SYT16: variants seen among roughly 807,000 people sequenced by gnomAD.
SYT16 encodes the protein synaptotagmin-16.
A neutral mutation model predicts 61.4 loss-of-function variants in SYT16; 42 were observed. The ratio of observed to expected loss-of-function variants is 0.68; its 90% CI spans 0.53 to 0.89. The LOEUF (loss-of-function observed/expected upper bound fraction) is 0.89, where lower values mean the gene tolerates loss of function less well. SYT16 is among the 40% of genes least tolerant of loss of function. SYT16 has a pLI of 0.00. For missense variants in SYT16, 804 were observed against 807.3 expected, an observed-to-expected ratio of 1.00 and a Z score of 0.05; for synonymous variants, 314 against 302.3, an observed-to-expected ratio of 1.04 and a Z score of -0.40.
intron 1 of SYT16, among the ~76,000 whole-genome samples, chr14:61,890,498 CAAAA>C (rs34468900): frequency 8.6e-6 from 1 of 116,090 alleles, no homozygotes; most frequent in Non-Finnish European, 1.9e-5. Context: ...TCCTTCATGA[CAAAA>C]AAAAAAAAAA....
In SYT16 at chr14:61,892,802, G is replaced by A. The variant is rs181932925; in HGVS notation, c.-324-77330G>A. Among the ~76,000 whole-genome samples, 446 of 152,238 alleles carry A rather than the reference G, an allele frequency of 2.9e-3. 3 individuals carry two copies. The highest frequency in any genetic ancestry group is 8.2e-3 in the Admixed American group (126 of 15,292). On this transcript the variant is annotated intron_variant, in intron 1 of 7. Coordinates refer to ENST00000683842, the MANE Select transcript of SYT16 (RefSeq NM_001367656.1). ...AAGAAAGGGGATTAGATACCGGGCCGGCAAGAAAACTAAGGCACCATTACT... is the reference window on the plus strand; with the variant it reads ...AAGAAAGGGGATTAGATACCGGGCCAGCAAGAAAACTAAGGCACCATTACT...
At chr14:61,865,094 A>C in intron 1 of SYT16, 1 of 1,356,214 alleles carries the variant, frequency 7.4e-7, no homozygotes, top group Non-Finnish European at 1.1e-6. Flanking sequence ...GCCCACTGTG[A>C]CTCATCTGCT....
At chr14:61,998,342 T>A in intron 3 of SYT16, among the ~76,000 whole-genome samples, 1 of 151,952 alleles carries the variant, frequency 6.6e-6, no homozygotes, top group Non-Finnish European at 1.5e-5. Context: ...CTACATTCCT[T>A]TTTAGTCAGT....
At chr14:62,031,639 G>C (rs917833443) in intron 3 of SYT16, among the ~76,000 whole-genome samples, 2 of 152,150 alleles carry the variant, frequency 1.3e-5, no homozygotes, top group Non-Finnish European at 2.9e-5. Flanking sequence ...ATATATAATA[G>C]TGAACTTGCT....
chr14:61,982,405 C>A (rs113102616), intron 2 of SYT16, among the ~76,000 whole-genome samples: 8 of 152,076 alleles, frequency 5.3e-5, no homozygotes, highest in African/African-American at 1.9e-4. Context: ...GTGAAAGGCA[C>A]GTCTTACATG....
chr14:62,069,785 G>A lies in SYT16; in HGVS notation c.706G>A (p.Glu236Lys). ...KFSRSLLTHG[E>K]DGTEVSACED... ...CAGCCGTTCGTTGTTGACACACGGA[G>A]AAGATGGCACAGAAGTATCTGCCTG... The change falls in exon 4 of 8, where the codon GAA becomes AAA. Residue 236 changes from glutamate (E) to lysine (K), a missense_variant. Physicochemically the swap from Glu to Lys is moderately conservative, Grantham distance 56. Transcript: ENST00000683842. 6.2e-7 allele frequency: 1 copy of A among 1,613,984 alleles called. No individual in the cohort carries two copies. The highest frequency in any genetic ancestry group is 8.5e-7 in the Non-Finnish European group (1 of 1,179,884).
chr14:61,934,952 G>GTATT (rs1225179888), intron 1 of SYT16, among the ~76,000 whole-genome samples: 2 of 152,136 alleles, frequency 1.3e-5, no homozygotes, highest in Admixed American at 1.3e-4. Context: ...TTGCGAAAGA[G>GTATT]TATTTTCATT....
rs923453503 is a variant in SYT16, at chr14:62,109,625, C to G, written c.*8918C>G. On this transcript the variant is annotated 3_prime_UTR_variant, in exon 8 of 8. Transcript: ENST00000683842. ...AATTTCATAATTTATATTACCCTAT[C>G]TATGAGTTTTTCCCTCCATTGGAAT... is the stretch of plus-strand genomic sequence containing the variant. 1 of 152,020 alleles carries G rather than the reference C, an allele frequency of 6.6e-6. No homozygotes were observed. The highest frequency in any genetic ancestry group is 1.5e-5 in the Non-Finnish European group (1 of 67,986). 9.4% of individuals were successfully genotyped at this position (152,020 alleles called of 1,614,324 possible). A position where few individuals can be genotyped will look rare whatever the true frequency, so the allele number is the denominator to read the frequency against.
intron 3 of SYT16, among the ~76,000 whole-genome samples, chr14:62,014,456 C>T (rs2053586198): frequency 1.3e-5 from 2 of 151,782 alleles, no homozygotes; most frequent in African/African-American, 4.8e-5. Flanking sequence ...GCATCCTCTT[C>T]TGCTTGGTCT....
chr14:61,838,345 G>A (rs72716762), intron 1 of SYT16, among the ~76,000 whole-genome samples: 11,912 of 152,130 alleles, frequency 0.078, 534 homozygotes, highest in Non-Finnish European at 0.1. Context: ...AGTTGGCTCC[G>A]TCATGACCAC....
At position 62,018,731 on chromosome 14, in the gene SYT16, A is replaced by G. The variant is rs79468600; in HGVS notation, c.523+22189A>G. Among the ~76,000 whole-genome samples, 14 of 152,196 alleles carry G rather than the reference A, an allele frequency of 9.2e-5. No homozygotes were observed. In the East Asian group the frequency reaches 2.3e-3, roughly 25 times the overall value. ...TCACTTCCGTTGGGTCTTTGCTCCA[A>G]TGTGGCCCCCTCAGAGGTCTCCCTG... On this transcript the variant is annotated intron_variant, in intron 3 of 7. Transcript: ENST00000683842.
chr14:61,892,801 C>T (rs143769887), intron 1 of SYT16, among the ~76,000 whole-genome samples: 10 of 152,172 alleles, frequency 6.6e-5, no homozygotes, highest in South Asian at 6.2e-4. Flanking sequence ...GATACCGGGC[C>T]GGCAAGAAAA....
rs2057543559 is a variant in SYT16, at chr14:62,108,060, A to G, written c.*7353A>G. On this transcript the variant is annotated 3_prime_UTR_variant, in exon 8 of 8. Coordinates refer to ENST00000683842, the MANE Select transcript of SYT16 (RefSeq NM_001367656.1). ...ACAATCTAAACAAAGAGCCCTGCTTACCTTTCTGTGACTAAAACTAGTCTT... is the reference window on the plus strand; with the variant it reads ...ACAATCTAAACAAAGAGCCCTGCTTGCCTTTCTGTGACTAAAACTAGTCTT... 1 of 152,214 alleles carries G rather than the reference A, an allele frequency of 6.6e-6. No homozygotes were observed. Among genetic ancestry groups the G allele is most frequent in the South Asian group, 2.1e-4 (1 of 4,830 alleles). 9.4% of individuals were successfully genotyped at this position (152,214 alleles called of 1,614,324 possible).
intron 2 of SYT16, among the ~76,000 whole-genome samples, chr14:61,974,609 G>A (rs747726970): frequency 1.3e-5 from 2 of 152,146 alleles, no homozygotes; most frequent in Non-Finnish European, 2.9e-5. Context: ...TCACACCAGT[G>A]CCCAGATGCT....
chr14:62,100,144 C>A (rs779573994), intron 7 of SYT16, among the ~76,000 whole-genome samples: 1 of 152,202 alleles, frequency 6.6e-6, no homozygotes, highest in Non-Finnish European at 1.5e-5. Flanking sequence ...TGTAGAAGTA[C>A]TAATGAACAT....
At chr14:62,096,425 ATTT>A (rs1327497544) in intron 7 of SYT16, among the ~76,000 whole-genome samples, 1 of 152,086 alleles carries the variant, frequency 6.6e-6, no homozygotes, top group Non-Finnish European at 1.5e-5. Flanking sequence ...AATCTTTTTA[ATTT>A]TTGGTAATTA....
intron 3 of SYT16, among the ~76,000 whole-genome samples, chr14:62,036,831 G>T (rs1205512154): frequency 6.6e-6 from 1 of 152,172 alleles, no homozygotes; most frequent in Non-Finnish European, 1.5e-5. Context: ...TACAATTCAA[G>T]ATGAGATTTG....
rs554613771 is a variant in SYT16 at position 62,043,670 on chromosome 14, G to C, written c.524-25933G>C. 1.4e-4 allele frequency among the ~76,000 whole-genome samples: 21 copies of C among 152,276 alleles called. No individual in the cohort carries two copies. The East Asian group carries it at 3.3e-3, about 24-fold the overall frequency. Reference sequence around the variant, plus strand: ...GATCCACCTGCCTTGGCCTCCCAAAGTGCTGGGATTACAGGCATGAGCCAC... The same window carrying C: ...GATCCACCTGCCTTGGCCTCCCAAACTGCTGGGATTACAGGCATGAGCCAC... On this transcript the variant is annotated intron_variant, in intron 3 of 7. Coordinates refer to ENST00000683842, the MANE Select transcript of SYT16 (RefSeq NM_001367656.1).
intron 3 of SYT16, among the ~76,000 whole-genome samples, chr14:62,028,770 A>G (rs182358116): frequency 1.3e-5 from 2 of 151,972 alleles, no homozygotes; most frequent in African/African-American, 4.8e-5. Flanking sequence ...TCTTTTTTTA[A>G]AAAAAAGTAA....
Sources: allele counts gnomAD v4.1 joint callset (sites outside exome capture counted in the v4.1 genomes callset), GRCh38; gene constraint gnomAD v4.1.1; transcripts MANE v1.5; gene names NCBI Gene and HGNC (gene_info 2026-07-23, HGNC 2026-07-21).